Variants in MYLK3 observed in about 807,000 individuals in gnomAD.
MYLK3 encodes MLC kinase.
In MYLK3, 55 loss-of-function variants were observed where a neutral mutation model predicts 76.3. The ratio of observed to expected loss-of-function variants is 0.72; its 90% confidence interval spans 0.58 to 0.90. The LOEUF is 0.90. MYLK3 is among the 40% of genes least tolerant of loss of function. The pLI, the probability that MYLK3 is intolerant of heterozygous loss-of-function variation, is 0.00. For missense variants in MYLK3, 973 were observed against 1,053.6 expected (o/e 0.92, Z 1.06); for synonymous variants, 416 against 425.4 (o/e 0.98, Z 0.27).
upstream of MYLK3, among the ~76,000 whole-genome samples, chr16:46,752,974 G>A (rs1434241371): frequency 5.3e-5 from 8 of 152,106 alleles, no homozygotes; most frequent in Admixed American, 2.0e-4. Context: ...GAGACTTCAC[G>A]GTAAAGGAAG....
chr16:46,736,827 G>A (rs1460471212), intron 3 of MYLK3, among the ~76,000 whole-genome samples: 1 of 152,224 alleles, frequency 6.6e-6, no homozygotes, highest in Non-Finnish European at 1.5e-5. Flanking sequence ...GAAGCCCGGG[G>A]CCACAGCGCC....
At chr16:46,727,895 G>C (rs1966845767) in intron 7 of MYLK3, among the ~76,000 whole-genome samples, 1 of 152,146 alleles carries the variant, frequency 6.6e-6, no homozygotes, top group African/African-American at 2.4e-5. Context: ...TGGTAAAAAG[G>C]AAGTGACAGG....
chr16:46,717,986 C>T (rs142678554), intron 9 of MYLK3, among the ~76,000 whole-genome samples: 118 of 152,326 alleles, frequency 7.7e-4, no homozygotes, highest in African/African-American at 2.6e-3. Flanking sequence ...CCAGCATGTG[C>T]ATTCTCAGTG....
Position 46,703,598 on chromosome 16 carries a change from T to C in MYLK3, c.*4106A>G, listed in dbSNP as rs425556. The C allele has an allele frequency of 0.98, 148,814 of 152,362 alleles. 72,757 individuals are homozygous for C. The highest frequency in any genetic ancestry group is 1 in the East Asian group (5,186 of 5,186). The allele number at this position is 152,362 out of a possible 1,614,324, so 9.4% of individuals were successfully genotyped here. On this transcript the variant is annotated 3_prime_UTR_variant, in exon 13 of 13. Transcript: ENST00000394809. ...ACCCAACACAGTTGCAATCAAGTAT[T>C]TGAGCTAAGTACACACCAGCAAATT...
At chr16:46,707,784 A>C (rs762399278) in intron 12 of MYLK3, 21 bp from the exon 13 acceptor site, 1 of 1,583,040 alleles carries the variant, frequency 6.3e-7, no homozygotes, top group East Asian at 2.2e-5. Flanking sequence ...GGAGAGAATA[A>C]AAGAAAAGAA....
chr16:46,726,715 AAGAAAGAAAGAAAG>A (rs1334902576), intron 8 of MYLK3: 8 of 149,884 alleles, frequency 5.3e-5, no homozygotes, highest in Non-Finnish European at 1.2e-4. Context: ...GAAAGAAAGA[AAGAAAGAAAGAAAG>A]AAAGAAAAGA....
At chr16:46,755,906 CTTT>C (rs772833701) in intron 1 of MYLK3, among the ~76,000 whole-genome samples, 1 of 109,772 alleles carries the variant, frequency 9.1e-6, no homozygotes. Flanking sequence ...TTTTTTCTTT[CTTT>C]TTTTTTTTTT....
At chr16:46,758,297 C>CAG (rs1967227875) in intron 1 of MYLK3, among the ~76,000 whole-genome samples, 1 of 54,444 alleles carries the variant, frequency 1.8e-5, no homozygotes, top group Non-Finnish European at 3.1e-5. Flanking sequence ...CACACACACA[C>CAG]ACACACACTC....
chr16:46,722,250 C>T (rs1342580427), intron 8 of MYLK3, among the ~76,000 whole-genome samples: 2 of 152,134 alleles, frequency 1.3e-5, no homozygotes, highest in East Asian at 1.9e-4. Context: ...TGCCTGAGGC[C>T]CAGGGGCTCA....
chr16:46,712,882 C>G, intron 9 of MYLK3, 106 bp from the exon 10 acceptor site: 1 of 1,203,258 alleles, frequency 8.3e-7, no homozygotes, highest in Non-Finnish European at 1.1e-6. Context: ...TCCCATCAGC[C>G]ATATGGCCTG....
intron 12 of MYLK3, 62 bp downstream of exon 12, chr16:46,709,477 G>T: frequency 6.6e-7 from 1 of 1,512,886 alleles, no homozygotes; most frequent in Non-Finnish European, 8.9e-7. Context: ...CTTAGCTACA[G>T]TTTTTTCCAA....
chr16:46,706,475 G>A lies in MYLK3; in HGVS notation c.*1229C>T, dbSNP rs1816862874. 6.6e-6 allele frequency: 1 copy of A among 151,966 alleles called. No individual in the cohort carries two copies. The highest frequency in any genetic ancestry group is 2.1e-4 in the South Asian group (1 of 4,812). 9.4% of individuals were successfully genotyped at this position (151,966 alleles called of 1,614,324 possible). ...CGCCCCACTAATTTTTGTATTTTTAGTAGAGATGGGGTTTCACTGTGTTGG... is the reference window on the plus strand; with the variant it reads ...CGCCCCACTAATTTTTGTATTTTTAATAGAGATGGGGTTTCACTGTGTTGG... On this transcript the variant is annotated 3_prime_UTR_variant, in exon 13 of 13. Transcript: ENST00000394809.
At chr16:46,727,141 G>C (rs890400734) in intron 8 of MYLK3, 95 bp downstream of exon 8, 1 of 1,387,134 alleles carries the variant, frequency 7.2e-7, no homozygotes, top group Admixed American at 2.0e-5. Context: ...AGGAATGGAA[G>C]CTGGGACTGT....
intron 7 of MYLK3, 81 bp downstream of exon 7, chr16:46,728,943 C>T: frequency 2.0e-6 from 2 of 1,014,288 alleles, no homozygotes; most frequent in South Asian, 1.3e-5. Flanking sequence ...AGAGAGAGGG[C>T]TTTGCCTCGA....
chr16:46,735,688 A>G (rs1966865381), intron 3 of MYLK3, among the ~76,000 whole-genome samples: 1 of 152,162 alleles, frequency 6.6e-6, no homozygotes, highest in South Asian at 2.1e-4. Flanking sequence ...TGGTTCGGTA[A>G]TGACAGGTAG....
chr16:46,760,823 AG>A (rs1419575248), intron 1 of MYLK3, among the ~76,000 whole-genome samples: 6 of 152,256 alleles, frequency 3.9e-5, no homozygotes, highest in Admixed American at 2.6e-4. Flanking sequence ...GGCAGGAAAA[AG>A]GTGACACAGA....
rs955945803 is a variant in MYLK3, at chr16:46,704,296, G to T, written c.*3408C>A. ...CTAATTTTTATATTTTTAGAGATGG[G>T]GTTTTACCATGTTGGCCAGCAATCT... On this transcript the variant is annotated 3_prime_UTR_variant, in exon 13 of 13. Transcript: ENST00000394809. The T allele has an allele frequency of 6.6e-6, 1 of 152,006 alleles. No individual in the cohort carries two copies. Among genetic ancestry groups the T allele is most frequent in the Non-Finnish European group, 1.5e-5 (1 of 68,056 alleles). 9.4% of individuals were successfully genotyped at this position (152,006 alleles called of 1,614,324 possible).
At position 46,738,041 on chromosome 16, in the gene MYLK3, C is replaced by A. The variant is rs1166766264; in HGVS notation, c.671G>T (p.Gly224Val). 6.2e-7 allele frequency: 1 copy of A among 1,610,712 alleles called. No individual in the cohort carries two copies. Among genetic ancestry groups the A allele is most frequent in the South Asian group, 1.1e-5 (1 of 90,914 alleles). Residue 224 changes from glycine (G) to valine (V), a missense_variant, in exon 3 of 13, where the codon GGC becomes GTC. By Grantham distance (109) the Gly-to-Val change is moderately radical. This residue lies in a region of MYLK3 where 641 missense variants were observed against 637.0 expected (regional missense o/e 1.01). Transcript: ENST00000394809. ...TGGGCCAGGAACACCATCTCCCTGG[C>A]CCGGTGAGACCACTGCCTGGGCGGG... ...ADPAQAVVSP[G>V]QGDGVPGPAQ...
At position 46,738,059 on chromosome 16, in the gene MYLK3, T is replaced by A. The variant is rs771808362; in HGVS notation, c.653A>T (p.Gln218Leu). 1 of 1,607,754 alleles carries A rather than the reference T, an allele frequency of 6.2e-7. No individual in the cohort carries two copies. The highest frequency in any genetic ancestry group is 8.5e-7 in the Non-Finnish European group (1 of 1,178,108). Residue 218 changes from glutamine to leucine, a missense_variant, in exon 3 of 13, where the codon CAG becomes CTG. Physicochemically the swap from Gln to Leu is moderately radical, Grantham distance 113. This residue lies in a region of MYLK3 where 641 missense variants were observed against 637.0 expected (regional missense o/e 1.01). Coordinates refer to ENST00000394809, the MANE Select transcript of MYLK3 (RefSeq NM_182493.3). ...TCCCTGGCCCGGTGAGACCACTGCC[T>A]GGGCGGGGTCAGCTCCCAGCCCTGA... Reference protein sequence around the residue: ...RASGLGADPAQAVVSPGQGDG... With the variant: ...RASGLGADPALAVVSPGQGDG...
Sources: allele counts gnomAD v4.1 joint callset (sites outside exome capture counted in the v4.1 genomes callset), GRCh38; gene constraint gnomAD v4.1.1; regional missense constraint gnomAD v4.1.1; transcripts MANE v1.5; gene names NCBI Gene and HGNC (gene_info 2026-07-23, HGNC 2026-07-21).